WAC: variants seen among roughly 807,000 people sequenced by gnomAD.
WAC encodes WW domain-containing adapter protein with coiled-coil.
A neutral mutation model predicts 79.6 loss-of-function variants in WAC; 11 were observed. That is an observed-to-expected ratio of 0.14 (90% CI 0.09 to 0.23). The LOEUF (loss-of-function observed/expected upper bound fraction) is 0.23. WAC is among the 10% of genes least tolerant of loss of function. The pLI, the probability that WAC is intolerant of heterozygous loss-of-function variation, is 1.00. For synonymous variants in WAC, 304 were observed against 276.9 expected (o/e 1.10, Z -0.97); for missense variants, 728 against 773.5 (o/e 0.94, Z 0.70).
In WAC at chr10:28,611,797, A is replaced by T. The variant is rs909705092; in HGVS notation, c.1312A>T (p.Met438Leu). Residue 438 changes from methionine (M) to leucine (L), a missense_variant, in exon 10 of 14, where the codon ATG (methionine) becomes TTG (leucine). Physicochemically the swap from Met to Leu is conservative, Grantham distance 15. Around this residue, in one of 3 missense-constraint regions of WAC, gnomAD observed 648 missense variants for 661.5 expected, o/e 0.98. Coordinates refer to ENST00000354911, the MANE Select transcript of WAC (RefSeq NM_016628.5). ...TQAQPSNQSP[M>L]SLTSDASSPR... is the part of the protein sequence containing the mutation. ...AGCCCAGCCATCTAATCAGTCTCCGATGTCTTTAACATCTGATGCGTCATC... is the reference window on the plus strand; with the variant it reads ...AGCCCAGCCATCTAATCAGTCTCCGTTGTCTTTAACATCTGATGCGTCATC... The T allele has an allele frequency of 6.2e-7, 1 of 1,614,062 alleles. No homozygotes were observed.
At chr10:28,572,738 G>C (rs1298351143) in intron 3 of WAC, among the ~76,000 whole-genome samples, 1 of 152,164 alleles carries the variant, frequency 6.6e-6, no homozygotes, top group Non-Finnish European at 1.5e-5. Context: ...TTGAACCCGG[G>C]AGGCAGAGGT....
chr10:28,614,167 G>A (rs906431274), intron 10 of WAC, among the ~76,000 whole-genome samples: 2 of 151,836 alleles, frequency 1.3e-5, no homozygotes, highest in South Asian at 2.1e-4. Context: ...GTGCTGTGGC[G>A]CGATCTCCGC....
At chr10:28,597,477 C>G (rs750991361) in intron 7 of WAC, among the ~76,000 whole-genome samples, 1 of 152,068 alleles carries the variant, frequency 6.6e-6, no homozygotes, top group Non-Finnish European at 1.5e-5. Flanking sequence ...TTTTGAAATT[C>G]TTTCTCTGGC....
intron 3 of WAC, among the ~76,000 whole-genome samples, chr10:28,543,213 G>T (rs1344686486): frequency 6.6e-6 from 1 of 152,198 alleles, no homozygotes; most frequent in African/African-American, 2.4e-5. Context: ...GAGTAACAAG[G>T]TTCTATAGCA....
chr10:28,594,198 G>A (rs901623133), intron 6 of WAC, among the ~76,000 whole-genome samples: 7 of 152,086 alleles, frequency 4.6e-5, no homozygotes, highest in Non-Finnish European at 8.8e-5. Context: ...AATGTTAGAA[G>A]TATCATCCTT....
intron 8 of WAC, among the ~76,000 whole-genome samples, chr10:28,609,277 C>T (rs1841106585): frequency 6.6e-6 from 1 of 151,948 alleles, no homozygotes; most frequent in East Asian, 1.9e-4. Flanking sequence ...GTACGAGAAT[C>T]GCTTGAACCC....
chr10:28,608,762 A>T (rs1309655366), intron 8 of WAC, among the ~76,000 whole-genome samples: 1 of 152,196 alleles, frequency 6.6e-6, no homozygotes, highest in Non-Finnish European at 1.5e-5. Flanking sequence ...GTTTGTTGAA[A>T]TCGGTATTAA....
chr10:28,613,068 G>A (rs1841319270), intron 10 of WAC, among the ~76,000 whole-genome samples: 1 of 152,056 alleles, frequency 6.6e-6, no homozygotes, highest in Non-Finnish European at 1.5e-5. Context: ...GATTGAATTA[G>A]GCCCTGGGCA....
chr10:28,585,443 G>A (rs955962373), intron 4 of WAC, among the ~76,000 whole-genome samples: 1 of 152,104 alleles, frequency 6.6e-6, no homozygotes, highest in African/African-American at 2.4e-5. Context: ...ATCACAGAGC[G>A]GACTATCAAA....
At chr10:28,594,894 C>A (rs994064839) in intron 6 of WAC, among the ~76,000 whole-genome samples, 1 of 152,006 alleles carries the variant, frequency 6.6e-6, no homozygotes, top group Non-Finnish European at 1.5e-5. Context: ...AATTTTCGTT[C>A]TTTTTGTACT....
At chr10:28,537,453 ATCT>A (rs1320755428) in intron 3 of WAC, 8 of 152,222 alleles carry the variant, frequency 5.3e-5, no homozygotes, top group African/African-American at 1.2e-4. Context: ...ATGGCACCTC[ATCT>A]TCTTACAAAT....
intron 13 of WAC, 35 bp downstream of exon 13, chr10:28,617,819 T>G (rs1404008954): frequency 1.3e-6 from 2 of 1,550,494 alleles, no homozygotes; most frequent in Admixed American, 4.6e-5. Flanking sequence ...TTTATGTTTC[T>G]CAGGATTATG....
At chr10:28,594,138 C>T (rs1273966329) in intron 6 of WAC, among the ~76,000 whole-genome samples, 1 of 151,980 alleles carries the variant, frequency 6.6e-6, no homozygotes, top group Non-Finnish European at 1.5e-5. Flanking sequence ...ACAGCTATAG[C>T]GTCCCCTGTT....
At chr10:28,581,300 T>C (rs1215357024) in intron 3 of WAC, among the ~76,000 whole-genome samples, 1 of 139,770 alleles carries the variant, frequency 7.2e-6, no homozygotes, top group Admixed American at 7.8e-5. Context: ...TCACCCAGGC[T>C]GGTCTCGAAC....
chr10:28,615,182 C>A (rs1841419997), intron 11 of WAC: 1 of 152,208 alleles, frequency 6.6e-6, no homozygotes, highest in African/African-American at 2.4e-5. Context: ...TGTGTTAGCA[C>A]TTTTCTTTGT....
At chr10:28,561,806 A>C (rs1838313335) in intron 3 of WAC, among the ~76,000 whole-genome samples, 1 of 152,198 alleles carries the variant, frequency 6.6e-6, no homozygotes, top group African/African-American at 2.4e-5. Flanking sequence ...TAGGAGCATG[A>C]GAACCCTATT....
At chr10:28,610,642 C>T (rs1305912921) in intron 8 of WAC, 57 bp from the exon 9 acceptor site, 11 of 1,516,008 alleles carry the variant, frequency 7.3e-6, no homozygotes, top group Admixed American at 2.0e-5. Context: ...CAGGTTGTTA[C>T]TAATGCCACA....
chr10:28,568,781 C>A (rs1838789830), intron 3 of WAC, among the ~76,000 whole-genome samples: 2 of 152,060 alleles, frequency 1.3e-5, no homozygotes, highest in South Asian at 4.1e-4. Context: ...ACTATGCTGA[C>A]CAGGCTGCTC....
intron 7 of WAC, among the ~76,000 whole-genome samples, chr10:28,606,024 A>G (rs771315814): frequency 1.3e-5 from 2 of 151,200 alleles, no homozygotes; most frequent in African/African-American, 4.9e-5. Context: ...TGATTGCCCC[A>G]TAAAATACAA....
Sources: gnomAD v4.1 joint callset for allele counts (sites outside exome capture counted in the v4.1 genomes callset) on GRCh38, gnomAD v4.1.1 for gene constraint, gnomAD v4.1.1 regional missense constraint, MANE v1.5 for transcripts, NCBI Gene and HGNC (gene_info 2026-07-23, HGNC 2026-07-21) for gene names.